AGPAT4: variants seen among roughly 807,000 people sequenced by gnomAD.
The protein encoded by AGPAT4 is 1-acyl-sn-glycerol-3-phosphate acyltransferase delta.
AGPAT4 carries 15 observed loss-of-function variants against 48.0 expected under a neutral mutation model. That is an observed-to-expected ratio of 0.31 (90% CI 0.21 to 0.48). The LOEUF (loss-of-function observed/expected upper bound fraction) is 0.48. Among genes scored for constraint, AGPAT4 ranks in the 20% least tolerant of loss-of-function variants. The probability of loss-of-function intolerance (pLI) is 0.99; values close to 1 mark genes in which losing one functional copy is unlikely to be tolerated. For synonymous variants in AGPAT4, 178 were observed against 198.7 expected, an observed-to-expected ratio of 0.90 and a Z score of 0.88; for missense variants, 314 against 482.5, an observed-to-expected ratio of 0.65 and a Z score of 3.27.
In AGPAT4 at chr6:161,140,427, A is replaced by G. The variant is rs1173829098; in HGVS notation, c.844-807T>C. On this transcript the variant is annotated intron_variant, in intron 7 of 8. Transcript: ENST00000320285. The surrounding 1 kb of genome is among the most constrained non-coding windows in gnomAD (Gnocchi z 6.5). ...TGTGTCACCGAGCAGCTTGCAGGGC[A>G]GTTACTCCAGAGCCTCATGGCGCTC... 6.6e-6 allele frequency among the ~76,000 whole-genome samples: 1 copy of G among 152,230 alleles called. No individual in the cohort carries two copies. Among genetic ancestry groups the G allele is most frequent in the Non-Finnish European group, 1.5e-5 (1 of 68,026 alleles).
At chr6:161,193,231 A>G (rs1365487304) in intron 2 of AGPAT4, among the ~76,000 whole-genome samples, 1 of 152,096 alleles carries the variant, frequency 6.6e-6, no homozygotes, top group East Asian at 1.9e-4. Flanking sequence ...TTTCCTTCTG[A>G]TGTGTCTTCC....
At chr6:161,258,538 C>A (rs1783004927) in intron 1 of AGPAT4, among the ~76,000 whole-genome samples, 1 of 152,120 alleles carries the variant, frequency 6.6e-6, no homozygotes, top group Non-Finnish European at 1.5e-5. Flanking sequence ...AAAATTGACA[C>A]AAGAGAGCAA....
chr6:161,169,204 A>G lies in AGPAT4; in HGVS notation c.179-2787T>C, dbSNP rs1780197658. Among the ~76,000 whole-genome samples, 1 of 152,202 alleles carries G rather than the reference A, an allele frequency of 6.6e-6. No homozygotes were observed. Among genetic ancestry groups the G allele is most frequent in the Non-Finnish European group, 1.5e-5 (1 of 68,044 alleles). ...GATTTATGATTTCATTCTAAAGGCAATATAAAAACCACTGGAGCATTTTTA... is the reference window on the plus strand; with the variant it reads ...GATTTATGATTTCATTCTAAAGGCAGTATAAAAACCACTGGAGCATTTTTA... On this transcript the variant is annotated intron_variant, in intron 2 of 8. Coordinates refer to ENST00000320285, the MANE Select transcript of AGPAT4 (RefSeq NM_020133.3). The surrounding 1 kb of genome is among the most constrained non-coding windows in gnomAD (Gnocchi z 5.0).
At position 161,143,859 on chromosome 6, in the gene AGPAT4, T is replaced by A. The variant is rs374452981; in HGVS notation, c.843+2665A>T. 49 of 305,602 alleles carry A rather than the reference T, an allele frequency of 1.6e-4. No individual in the cohort carries two copies. Among genetic ancestry groups the A allele is most frequent in the African/African-American group, 1.0e-3 (46 of 45,328 alleles). The allele number at this position is 305,602 out of a possible 1,614,324, so 18.9% of individuals were successfully genotyped here. On this transcript the variant is annotated intron_variant, in intron 7 of 8. Coordinates refer to ENST00000320285, the MANE Select transcript of AGPAT4 (RefSeq NM_020133.3). This position sits in a 1 kb window ranked among gnomAD's most constrained non-coding sequence, Gnocchi z 4.7. ...AGACCAGAATGTTGGCACACCTCTG[T>A]TGGCTGCCTGCCATTCCCCTCCCAT... is the stretch of plus-strand genomic sequence containing the variant.
rs1244712061 is a variant in AGPAT4, at chr6:161,219,904, CAGGCAGGCAGGCGGCAGGCA to C, written c.178+12112_178+12131del. Among the ~76,000 whole-genome samples, 14 of 134,534 alleles carry C rather than the reference CAGGCAGGCAGGCGGCAGGCA, an allele frequency of 1.0e-4. No homozygotes were observed. The highest frequency in any genetic ancestry group is 4.4e-4 in the African/African-American group (14 of 31,766). The allele number at this position is 134,534 out of a possible 152,430, so 88.3% of individuals were successfully genotyped here. A position where few individuals can be genotyped will look rare whatever the true frequency, so the allele number is the denominator to read the frequency against. ...GCAGGCAGGCAGGCAGGCAGGCAGG[CAGGCAGGCAGGCGGCAGGCA>C]GGCAGGCAGGCAGGCAGGCAGGCAG... On this transcript the variant is annotated intron_variant, in intron 2 of 8. Transcript: ENST00000320285. This position sits in a 1 kb window ranked among gnomAD's most constrained non-coding sequence, Gnocchi z 4.9.
In AGPAT4 at chr6:161,232,780, C is replaced by A. The variant is rs1158076630; in HGVS notation, c.-89-478G>T. Among the ~76,000 whole-genome samples the A allele has an allele frequency of 6.6e-6, 1 of 152,152 alleles. No homozygotes were observed. The highest frequency in any genetic ancestry group is 1.5e-5 in the Non-Finnish European group (1 of 68,032). On this transcript the variant is annotated intron_variant, in intron 1 of 8. Transcript: ENST00000320285. The surrounding 1 kb of genome is among the most constrained non-coding windows in gnomAD (Gnocchi z 6.8). ...CATTCTCCTCCTCCAGATCCCTGCT[C>A]ACCCCTCGCTTCCAGCAGGACTGCC...
chr6:161,180,878 T>C lies in AGPAT4; in HGVS notation c.179-14461A>G, dbSNP rs1404656119. Reference sequence around the variant, plus strand: ...ATAAATAAAGCCAAAACAGATTTGGTTTTATTATATTTGCCATTGTGCTGT... The same window carrying C: ...ATAAATAAAGCCAAAACAGATTTGGCTTTATTATATTTGCCATTGTGCTGT... On this transcript the variant is annotated intron_variant, in intron 2 of 8. Transcript: ENST00000320285. The surrounding 1 kb of genome is among the most constrained non-coding windows in gnomAD (Gnocchi z 6.4). Among the ~76,000 whole-genome samples, 3 of 152,054 alleles carry C rather than the reference T, an allele frequency of 2.0e-5. No individual in the cohort carries two copies. The highest frequency in any genetic ancestry group is 2.0e-4 in the Admixed American group (3 of 15,262).
In AGPAT4 at chr6:161,136,635, C is replaced by T. The variant is rs1779075668; in HGVS notation, c.1043-1G>A. On this transcript the variant is annotated splice_acceptor_variant, in intron 8 of 8. Transcript: ENST00000320285. LOFTEE classifies it high-confidence loss of function. ...ATCATCCATCGAACTCCCACGGAGG[C>T]TGCAGAGACAAGGAGAGCAGAGTTA... The T allele has an allele frequency of 1.2e-6, 2 of 1,613,718 alleles. No homozygotes were observed. The highest frequency in any genetic ancestry group is 1.7e-5 in the Admixed American group (1 of 60,002).
In AGPAT4 at chr6:161,141,142, G is replaced by T. The variant is rs1399548603; in HGVS notation, c.844-1522C>A. Among the ~76,000 whole-genome samples, 1 of 151,962 alleles carries T rather than the reference G, an allele frequency of 6.6e-6. No homozygotes were observed. The highest frequency in any genetic ancestry group is 6.6e-5 in the Admixed American group (1 of 15,262). On this transcript the variant is annotated intron_variant, in intron 7 of 8. Transcript: ENST00000320285. This position sits in a 1 kb window ranked among gnomAD's most constrained non-coding sequence, Gnocchi z 6.7. ...ACTTTTAATAATAGTCCACACACTA[G>T]GCCATTTTGGAAGGAGAACCCCCAA...
chr6:161,136,720 GC>G, intron 8 of AGPAT4, 86 bp from the exon 9 acceptor site: 1 of 1,186,648 alleles, frequency 8.4e-7, no homozygotes, highest in Non-Finnish European at 1.2e-6. Context: ...AAGGCCCGTG[GC>G]CGCAAATCAC....
At chr6:161,271,289 T>C (rs1375109080) in intron 1 of AGPAT4, among the ~76,000 whole-genome samples, 1 of 152,178 alleles carries the variant, frequency 6.6e-6, no homozygotes, top group African/African-American at 2.4e-5. Flanking sequence ...ACCGTCTGCC[T>C]CCTCTCCTAT....
Position 161,165,139 on chromosome 6 carries a change from C to T in AGPAT4, c.348+1109G>A, listed in dbSNP as rs1780056929. On this transcript the variant is annotated intron_variant, in intron 3 of 8. Transcript: ENST00000320285. The surrounding 1 kb of genome is among the most constrained non-coding windows in gnomAD (Gnocchi z 5.5). ...ATCCACAAAGCTGTAACTCAGATCT[C>T]TGCCCAAGTTCTCCACATCAGAGAA... Among the ~76,000 whole-genome samples the T allele has an allele frequency of 6.6e-6, 1 of 152,224 alleles. No individual in the cohort carries two copies. The highest frequency in any genetic ancestry group is 2.1e-4 in the South Asian group (1 of 4,814).
At position 161,219,950 on chromosome 6, in the gene AGPAT4, A is replaced by AGGCAGGCAGG. The variant is rs1562344057; in HGVS notation, c.178+12085_178+12086insCCTGCCTGCC. 1.1e-5 allele frequency among the ~76,000 whole-genome samples: 1 copy of AGGCAGGCAGG among 91,672 alleles called. No homozygotes were observed. Among genetic ancestry groups the AGGCAGGCAGG allele is most frequent in the Admixed American group, 1.4e-4 (1 of 7,102 alleles). 60.1% of individuals were successfully genotyped at this position (91,672 alleles called of 152,430 possible). ...GGCAGGCAGGCAGGCAGGCAGGCAG[A>AGGCAGGCAGG]CAGACAGACAGACAGACAGGCAGGC... is the stretch of plus-strand genomic sequence containing the variant. On this transcript the variant is annotated intron_variant, in intron 2 of 8. Transcript: ENST00000320285. This position sits in a 1 kb window ranked among gnomAD's most constrained non-coding sequence, Gnocchi z 4.9.
intron 2 of AGPAT4, among the ~76,000 whole-genome samples, chr6:161,170,467 GCGCGCGCACACA>G (rs1043080399): frequency 4.5e-5 from 1 of 22,256 alleles, no homozygotes; most frequent in Non-Finnish European, 1.2e-4. Flanking sequence ...GCACACGTGC[GCGCGCGCACACA>G]CACACACACA....
In AGPAT4 at chr6:161,222,225, T is replaced by A. The variant is rs1249856429; in HGVS notation, c.178+9811A>T. On this transcript the variant is annotated intron_variant, in intron 2 of 8. Coordinates refer to ENST00000320285, the MANE Select transcript of AGPAT4 (RefSeq NM_020133.3). This position sits in a 1 kb window ranked among gnomAD's most constrained non-coding sequence, Gnocchi z 5.9. The stretch of plus-strand genomic sequence containing the variant: ...AATTTCAGCACATTTGATTTCACAA[T>A]GGGCTCACTTTATATTTTCCTTTTC... 1.3e-5 allele frequency among the ~76,000 whole-genome samples: 2 copies of A among 152,252 alleles called. No homozygotes were observed. Among genetic ancestry groups the A allele is most frequent in the Non-Finnish European group, 2.9e-5 (2 of 68,048 alleles).
chr6:161,220,063 T>C lies in AGPAT4; in HGVS notation c.178+11973A>G, dbSNP rs1781794341. Among the ~76,000 whole-genome samples, 1 of 152,160 alleles carries C rather than the reference T, an allele frequency of 6.6e-6. No homozygotes were observed. Among genetic ancestry groups the C allele is most frequent in the African/African-American group, 2.4e-5 (1 of 41,436 alleles). ...GTTACATTATTCCTGTTAAAAAACT[T>C]AGAACTCCAGTGTCCTTGCTTATCA... On this transcript the variant is annotated intron_variant, in intron 2 of 8. Transcript: ENST00000320285. The surrounding 1 kb of genome is among the most constrained non-coding windows in gnomAD (Gnocchi z 6.0).
chr6:161,253,739 C>T (rs1211527766), intron 1 of AGPAT4, among the ~76,000 whole-genome samples: 1 of 152,074 alleles, frequency 6.6e-6, no homozygotes, highest in Non-Finnish European at 1.5e-5. Flanking sequence ...AAACAATGTG[C>T]AATTTATAAT....
At position 161,267,984 on chromosome 6, in the gene AGPAT4, A is replaced by T. The variant is rs1475520602; in HGVS notation, c.-90+5954T>A. The stretch of plus-strand genomic sequence containing the variant: ...TGGGAGACAGACTGTGGAATATGCC[A>T]TGGCAAGGTGTGAAGGTACAGGGGA... On this transcript the variant is annotated intron_variant, in intron 1 of 8. Transcript: ENST00000320285. The surrounding 1 kb of genome is among the most constrained non-coding windows in gnomAD (Gnocchi z 5.2). 6.6e-6 allele frequency among the ~76,000 whole-genome samples: 1 copy of T among 152,202 alleles called. No homozygotes were observed. The highest frequency in any genetic ancestry group is 2.4e-5 in the African/African-American group (1 of 41,450).
Position 161,204,611 on chromosome 6 carries a change from T to C in AGPAT4, c.178+27425A>G, listed in dbSNP as rs548293336. ...TAACTCTCCCAAATTTTACAAATGT[T>C]AATTAAATCTCAAAAGGCAAACAAA... On this transcript the variant is annotated intron_variant, in intron 2 of 8. Coordinates refer to ENST00000320285, the MANE Select transcript of AGPAT4 (RefSeq NM_020133.3). The surrounding 1 kb of genome is among the most constrained non-coding windows in gnomAD (Gnocchi z 4.4). 1.5e-4 allele frequency among the ~76,000 whole-genome samples: 23 copies of C among 152,296 alleles called. No individual in the cohort carries two copies. Among genetic ancestry groups the C allele is most frequent in the African/African-American group, 5.5e-4 (23 of 41,564 alleles).
Sources: gnomAD v4.1 joint callset for allele counts (sites outside exome capture counted in the v4.1 genomes callset) on GRCh38, gnomAD v4.1.1 for gene constraint, Gnocchi (gnomAD v3.1) non-coding constraint, MANE v1.5 for transcripts, NCBI Gene and HGNC (gene_info 2026-07-23, HGNC 2026-07-21) for gene names.